RAPGEF2: variants seen among roughly 807,000 people sequenced by gnomAD.
The protein encoded by RAPGEF2 is Rap guanine nucleotide exchange factor 2.
In RAPGEF2, 54 loss-of-function variants were observed where a neutral mutation model predicts 186.7. That is an observed-to-expected ratio of 0.29 (90% confidence interval 0.23 to 0.36). The LOEUF is 0.36. RAPGEF2 is among the 10% of genes least tolerant of loss of function. The pLI is 1.00. For missense variants in RAPGEF2, 1,532 were observed against 2,045.0 expected, an observed-to-expected ratio of 0.75 and a Z score of 4.84; for synonymous variants, 712 against 705.9, an observed-to-expected ratio of 1.01 and a Z score of -0.14.
chr4:159,335,447 C>T (rs553676861), intron 17 of RAPGEF2, among the ~76,000 whole-genome samples: 2 of 152,118 alleles, frequency 1.3e-5, no homozygotes, highest in African/African-American at 4.8e-5. Context: ...TAGTTTCAAT[C>T]CAAGAGTGGC....
chr4:159,260,473 C>T (rs927838346), intron 7 of RAPGEF2, among the ~76,000 whole-genome samples: 4 of 152,014 alleles, frequency 2.6e-5, no homozygotes, highest in Non-Finnish European at 5.9e-5. Context: ...CGCATTTTCC[C>T]GCCAGCTGAT....
intron 11 of RAPGEF2, among the ~76,000 whole-genome samples, chr4:159,325,563 T>A (rs970249235): frequency 2.0e-5 from 3 of 152,032 alleles, no homozygotes; most frequent in African/African-American, 7.2e-5. Flanking sequence ...AGTGTTTGAG[T>A]TAGAGTGTGT....
chr4:159,273,670 CTTTCT>C (rs1758451820), intron 7 of RAPGEF2, among the ~76,000 whole-genome samples: 2 of 148,570 alleles, frequency 1.3e-5, no homozygotes, highest in Non-Finnish European at 3.0e-5. Flanking sequence ...TTCTTTCTTT[CTTTCT>C]TTCTTTCTTT....
intron 1 of RAPGEF2, among the ~76,000 whole-genome samples, chr4:159,162,221 CAAA>C (rs35274144): frequency 3.4e-4 from 33 of 98,218 alleles, no homozygotes; most frequent in African/African-American, 1.0e-3. Flanking sequence ...TGTGTTTCTT[CAAA>C]AAAAAAAAAA....
At chr4:159,124,574 A>G (rs1740076192) in intron 1 of RAPGEF2, among the ~76,000 whole-genome samples, 1 of 152,156 alleles carries the variant, frequency 6.6e-6, no homozygotes. Flanking sequence ...TTCTGTAATT[A>G]CAAGCCTGTA....
At chr4:159,263,583 C>G (rs912110616) in intron 7 of RAPGEF2, among the ~76,000 whole-genome samples, 1 of 152,056 alleles carries the variant, frequency 6.6e-6, no homozygotes, top group Non-Finnish European at 1.5e-5. Context: ...ACTTAGAATT[C>G]TATTTTGCAT....
chr4:159,302,627 CTA>C (rs1205848717), intron 7 of RAPGEF2, among the ~76,000 whole-genome samples: 4 of 152,162 alleles, frequency 2.6e-5, no homozygotes, highest in Non-Finnish European at 5.9e-5. Flanking sequence ...CTGCAAACTT[CTA>C]TCTTTGAATT....
chr4:159,347,331 C>T (rs962572721), intron 25 of RAPGEF2, among the ~76,000 whole-genome samples: 2 of 152,200 alleles, frequency 1.3e-5, no homozygotes, highest in Non-Finnish European at 2.9e-5. Context: ...TTACAACCAA[C>T]AAACTGCTGG....
At chr4:159,241,405 A>G in intron 6 of RAPGEF2, 37 bp downstream of exon 6, 2 of 1,255,072 alleles carry the variant, frequency 1.6e-6, no homozygotes, top group East Asian at 2.9e-5. Context: ...ATTTATTTCT[A>G]GTTTTTTGTT....
intron 1 of RAPGEF2, among the ~76,000 whole-genome samples, chr4:159,118,972 A>C (rs1739365301): frequency 6.6e-6 from 1 of 152,172 alleles, no homozygotes; most frequent in African/African-American, 2.4e-5. Context: ...GTTGATATTC[A>C]TTACTCTTTT....
At chr4:159,145,298 C>T (rs931126031) in intron 1 of RAPGEF2, among the ~76,000 whole-genome samples, 5 of 152,076 alleles carry the variant, frequency 3.3e-5, no homozygotes, top group African/African-American at 1.2e-4. Flanking sequence ...TCGGATAGAA[C>T]ATAATGCAAG....
chr4:159,335,194 A>G (rs897449382), intron 17 of RAPGEF2, among the ~76,000 whole-genome samples: 2 of 152,164 alleles, frequency 1.3e-5, no homozygotes, highest in Non-Finnish European at 2.9e-5. Flanking sequence ...GGTAGGCACA[A>G]TCGGGTGATG....
intron 7 of RAPGEF2, among the ~76,000 whole-genome samples, chr4:159,254,635 G>A (rs1429733418): frequency 7.0e-6 from 1 of 143,262 alleles, no homozygotes; most frequent in Non-Finnish European, 1.5e-5. Flanking sequence ...ATGAGACAGA[G>A]TCTTGCTCTG....
At chr4:159,276,231 C>A (rs1276748374) in intron 7 of RAPGEF2, among the ~76,000 whole-genome samples, 3 of 152,012 alleles carry the variant, frequency 2.0e-5, no homozygotes, top group Non-Finnish European at 4.4e-5. Flanking sequence ...CCCCAGGTTT[C>A]CAGTGATTGA....
At chr4:159,314,986 T>G (rs1309491013) in intron 9 of RAPGEF2, among the ~76,000 whole-genome samples, 2 of 152,162 alleles carry the variant, frequency 1.3e-5, no homozygotes, top group East Asian at 1.9e-4. Flanking sequence ...TGAATGAAAC[T>G]TCTTAGTAAA....
chr4:159,251,637 G>T (rs1248375931), intron 7 of RAPGEF2, among the ~76,000 whole-genome samples: 2 of 152,026 alleles, frequency 1.3e-5, no homozygotes, highest in Non-Finnish European at 2.9e-5. Context: ...GTCTCGTGGG[G>T]ACTTTGAGAA....
chr4:159,292,234 A>G lies in RAPGEF2; in HGVS notation c.544-12108A>G, dbSNP rs1013395432. On this transcript the variant is annotated intron_variant, in intron 7 of 29. Transcript: ENST00000691494. ...CACCCCTGAATATCTCTCTGCCCCA[A>G]TCCCTCTCCTTGTCAGAGCTTGTAC... is the stretch of plus-strand genomic sequence containing the variant. Among the ~76,000 whole-genome samples the G allele has an allele frequency of 3.9e-5, 6 of 152,064 alleles. No homozygotes were observed. In the South Asian group the frequency reaches 1.0e-3, roughly 26 times the overall value.
intron 7 of RAPGEF2, among the ~76,000 whole-genome samples, chr4:159,277,555 G>A (rs1325200705): frequency 6.6e-6 from 1 of 152,164 alleles, no homozygotes; most frequent in Non-Finnish European, 1.5e-5. Context: ...GTGTAAAAGT[G>A]TTCCTGTTTC....
intron 7 of RAPGEF2, among the ~76,000 whole-genome samples, chr4:159,262,436 A>G (rs1756980569): frequency 6.6e-6 from 1 of 152,222 alleles, no homozygotes; most frequent in African/African-American, 2.4e-5. Context: ...GCCCCTAGAA[A>G]AAGCATGGAA....
Sources: allele counts gnomAD v4.1 joint callset (sites outside exome capture counted in the v4.1 genomes callset), GRCh38; gene constraint gnomAD v4.1.1; transcripts MANE v1.5; gene names NCBI Gene and HGNC (gene_info 2026-07-23, HGNC 2026-07-21).